Variants in GPHN observed in about 807,000 individuals in gnomAD.
GPHN encodes the protein gephyrin.
Under a neutral mutation model 95.5 loss-of-function variants are expected in GPHN, and 17 were observed. That is an observed-to-expected ratio of 0.18 (90% CI 0.12 to 0.27). The LOEUF (loss-of-function observed/expected upper bound fraction) is 0.27. Ranked by LOEUF, GPHN falls within the 10% of genes least tolerant of loss-of-function variation. The pLI is 1.00. For missense variants in GPHN, 660 were observed against 978.1 expected (o/e 0.67, Z 4.34); for synonymous variants, 320 against 322.5 (o/e 0.99, Z 0.08).
intron 9 of GPHN, among the ~76,000 whole-genome samples, chr14:66,997,853 G>A (rs953081769): frequency 6.6e-6 from 1 of 152,136 alleles, no homozygotes; most frequent in Non-Finnish European, 1.5e-5. Flanking sequence ...GCTATTTTTA[G>A]TATCAACAAA....
chr14:67,009,529 C>T lies in GPHN; in HGVS notation c.964-14104C>T, dbSNP rs1594802626. On this transcript the variant is annotated intron_variant, in intron 9 of 22. Transcript: ENST00000478722. The stretch of plus-strand genomic sequence containing the variant: ...GGTCTAGGGTTACAGACTTGTGAAT[C>T]TAGTTAGCTTCACAGTTGTTCTATG... Among the ~76,000 whole-genome samples, 3 of 152,052 alleles carry T rather than the reference C, an allele frequency of 2.0e-5. No individual in the cohort carries two copies. In the South Asian group the frequency reaches 6.2e-4, roughly 32 times the overall value.
intron 9 of GPHN, among the ~76,000 whole-genome samples, chr14:66,966,123 A>T (rs892293971): frequency 1.3e-5 from 2 of 152,204 alleles, no homozygotes; most frequent in African/African-American, 4.8e-5. Context: ...ATTTAATAAG[A>T]CATGATGTTA....
chr14:66,678,001 C>A (rs747687856), intron 1 of GPHN, among the ~76,000 whole-genome samples: 1 of 151,940 alleles, frequency 6.6e-6, no homozygotes, highest in Non-Finnish European at 1.5e-5. Context: ...TAACTTGATG[C>A]CTTTTGCTGT....
intron 3 of GPHN, among the ~76,000 whole-genome samples, chr14:66,813,258 G>A (rs1413264481): frequency 1.3e-5 from 2 of 152,174 alleles, no homozygotes; most frequent in Non-Finnish European, 2.9e-5. Context: ...CTAAAAGAAT[G>A]GTTTGCAGGG....
At chr14:66,778,893 A>G (rs1443806622) in intron 3 of GPHN, among the ~76,000 whole-genome samples, 4 of 151,160 alleles carry the variant, frequency 2.6e-5, no homozygotes, top group Non-Finnish European at 5.9e-5. Flanking sequence ...ATGACACCAC[A>G]CCCAGCTAAT....
chr14:67,014,690 A>G (rs2073203057), intron 9 of GPHN, among the ~76,000 whole-genome samples: 1 of 152,206 alleles, frequency 6.6e-6, no homozygotes, highest in Non-Finnish European at 1.5e-5. Context: ...AACCTTTAGA[A>G]TGAAGAGTAA....
intron 3 of GPHN, 39 bp from the exon 4 acceptor site, chr14:66,824,435 A>G (rs577168054): frequency 1.9e-5 from 21 of 1,101,494 alleles, no homozygotes; most frequent in African/African-American, 6.3e-5. Flanking sequence ...CAAGCAGGCA[A>G]ATTTTTCTGC....
At chr14:67,430,701 G>A in the GPHN span, among the ~76,000 whole-genome samples, 2 of 152,114 alleles carry the variant, frequency 1.3e-5, no homozygotes, top group Non-Finnish European at 1.5e-5. Flanking sequence ...AATATCAGGC[G>A]CTGCCCCAGG....
chr14:67,650,763 C>T, the GPHN span: 3 of 1,614,138 alleles, frequency 1.9e-6, no homozygotes, highest in Admixed American at 3.3e-5. Flanking sequence ...CAGTTGGCCA[C>T]CTCAGAGGAA....
chr14:67,357,502 C>T, the GPHN span, among the ~76,000 whole-genome samples: 9 of 152,232 alleles, frequency 5.9e-5, no homozygotes, highest in Non-Finnish European at 1.3e-4. Context: ...GTTTCACCTT[C>T]ATGAGCCTAT....
At chr14:67,361,297 G>T in the GPHN span, among the ~76,000 whole-genome samples, 4 of 152,154 alleles carry the variant, frequency 2.6e-5, no homozygotes. Context: ...GTTATTCAAG[G>T]AACAATCTCT....
chr14:67,168,842 C>A, intron 20 of GPHN, 91 bp from the exon 21 acceptor site: 1 of 884,344 alleles, frequency 1.1e-6, no homozygotes, highest in South Asian at 1.3e-5. Flanking sequence ...TCACTTCCGT[C>A]ACATTCTGAT....
intron 2 of GPHN, among the ~76,000 whole-genome samples, chr14:66,758,076 T>C (rs2058628287): frequency 6.6e-6 from 1 of 152,132 alleles, no homozygotes; most frequent in South Asian, 2.1e-4. Flanking sequence ...CAAAAAAGGT[T>C]AAAGTGAAGA....
the GPHN span, among the ~76,000 whole-genome samples, chr14:67,530,078 C>G: frequency 3.9e-5 from 6 of 152,228 alleles, no homozygotes; most frequent in African/African-American, 1.4e-4. Flanking sequence ...TTCACCAGCT[C>G]TCCTAGAGTT....
At chr14:67,299,264 A>G in the GPHN span, among the ~76,000 whole-genome samples, 1 of 152,174 alleles carries the variant, frequency 6.6e-6, no homozygotes, top group African/African-American at 2.4e-5. Flanking sequence ...AGAGTTCTTA[A>G]TATATTCTGG....
intron 1 of GPHN, among the ~76,000 whole-genome samples, chr14:66,653,644 ATAT>A (rs1191845391): frequency 3.3e-5 from 5 of 152,138 alleles, no homozygotes; most frequent in African/African-American, 1.2e-4. Context: ...CATTTCTATA[ATAT>A]TGTTAAATCA....
At chr14:67,727,446 G>T in the GPHN span, 4 of 417,164 alleles carry the variant, frequency 9.6e-6, no homozygotes, top group East Asian at 5.1e-5. Context: ...GATTTTCACA[G>T]TAGCTTTTTG....
At chr14:67,588,907 C>T in the GPHN span, 3 of 152,610 alleles carry the variant, frequency 2.0e-5, no homozygotes, top group African/African-American at 7.2e-5. Context: ...ATCCAAGTTT[C>T]TGCCTCTTTT....
chr14:66,933,196 T>A (rs1257213712), intron 8 of GPHN, among the ~76,000 whole-genome samples: 1 of 152,230 alleles, frequency 6.6e-6, no homozygotes, highest in African/African-American at 2.4e-5. Flanking sequence ...ACTGGGCATC[T>A]ATCTATACAG....
Sources: allele counts gnomAD v4.1 joint callset (sites outside exome capture counted in the v4.1 genomes callset), GRCh38; gene constraint gnomAD v4.1.1; transcripts MANE v1.5; gene names NCBI Gene and HGNC (gene_info 2026-07-23, HGNC 2026-07-21).